The following AUTS2 variants were observed in gnomAD, a reference collection of about 807,000 sequenced individuals.
The protein encoded by AUTS2 is activator of transcription and developmental regulator AUTS2.
AUTS2 carries 17 observed loss-of-function variants against 112.4 expected under a neutral mutation model. The observed-to-expected ratio is 0.15, with a 90% CI of 0.10 to 0.23. The LOEUF is 0.23. Ranked by LOEUF, AUTS2 falls within the 10% of genes least tolerant of loss-of-function variation. The pLI is 1.00. For missense variants in AUTS2, 1,510 were observed against 1,701.6 expected (o/e 0.89, Z 1.98); for synonymous variants, 751 against 702.7 (o/e 1.07, Z -1.09).
intron 4 of AUTS2, among the ~76,000 whole-genome samples, chr7:70,330,830 A>G (rs182556115): frequency 5.8e-4 from 88 of 152,316 alleles, no homozygotes; most frequent in Non-Finnish European, 1.0e-3. Context: ...TTTTCAGCAT[A>G]TAAGTCTTTC....
intron 5 of AUTS2, among the ~76,000 whole-genome samples, chr7:70,591,073 T>C (rs1802918115): frequency 1.3e-5 from 2 of 152,124 alleles, no homozygotes; most frequent in Admixed American, 6.5e-5. Flanking sequence ...GACAGAAAAG[T>C]TGGTTCCAGT....
At chr7:69,639,887 C>T (rs1794725342) in intron 1 of AUTS2, among the ~76,000 whole-genome samples, 1 of 152,220 alleles carries the variant, frequency 6.6e-6, no homozygotes, top group African/African-American at 2.4e-5. Flanking sequence ...CGGATGGTTA[C>T]ATCCCTTGGC....
intron 4 of AUTS2, among the ~76,000 whole-genome samples, chr7:70,369,600 AGAG>A (rs1178983592): frequency 6.6e-6 from 1 of 152,138 alleles, no homozygotes; most frequent in African/African-American, 2.4e-5. Context: ...GCCAGAAAGA[AGAG>A]GAGATGATTA....
chr7:70,104,311 A>G (rs2129570099), intron 2 of AUTS2, among the ~76,000 whole-genome samples: 1 of 151,936 alleles, frequency 6.6e-6, no homozygotes, highest in Middle Eastern at 3.4e-3. Flanking sequence ...TAAATTGTAA[A>G]TGTGTGTACA....
chr7:70,526,305 G>C (rs756915312), intron 5 of AUTS2, among the ~76,000 whole-genome samples: 1 of 152,142 alleles, frequency 6.6e-6, no homozygotes, highest in African/African-American at 2.4e-5. Flanking sequence ...TGCTGACATC[G>C]TTTATTCTTC....
intron 5 of AUTS2, among the ~76,000 whole-genome samples, chr7:70,630,216 C>T (rs1805185485): frequency 6.6e-6 from 1 of 152,150 alleles, no homozygotes; most frequent in Non-Finnish European, 1.5e-5. Flanking sequence ...CAGCTGTCCT[C>T]AGAGGAGCGG....
chr7:70,268,780 T>C lies in AUTS2; in HGVS notation c.660+134209T>C, dbSNP rs549851579. On this transcript the variant is annotated intron_variant, in intron 4 of 18. Transcript: ENST00000342771. ...TATCATTATTACTATATGGGACTAGTTGTTTTTTTAAATTGGCTACTTGAA... is the reference window on the plus strand; with the variant it reads ...TATCATTATTACTATATGGGACTAGCTGTTTTTTTAAATTGGCTACTTGAA... Among the ~76,000 whole-genome samples, 4 of 152,342 alleles carry C rather than the reference T, an allele frequency of 2.6e-5. No homozygotes were observed. The East Asian group carries it at 7.7e-4, about 29-fold the overall frequency.
chr7:69,981,229 G>A (rs974720954), intron 2 of AUTS2, among the ~76,000 whole-genome samples: 1 of 152,162 alleles, frequency 6.6e-6, no homozygotes, highest in Non-Finnish European at 1.5e-5. Context: ...ATAGAGATGA[G>A]TATTCATTGG....
At chr7:69,802,539 A>G (rs1249200561) in intron 1 of AUTS2, among the ~76,000 whole-genome samples, 1 of 152,170 alleles carries the variant, frequency 6.6e-6, no homozygotes, top group Non-Finnish European at 1.5e-5. Context: ...TTCATTAGGT[A>G]ATGAAATGTT....
At chr7:70,047,831 G>A (rs1801574686) in intron 2 of AUTS2, among the ~76,000 whole-genome samples, 1 of 152,186 alleles carries the variant, frequency 6.6e-6, no homozygotes, top group African/African-American at 2.4e-5. Context: ...AGGAAAAAAT[G>A]TAAGATGATG....
chr7:69,767,559 T>G (rs1174016032), intron 1 of AUTS2, among the ~76,000 whole-genome samples: 1 of 152,176 alleles, frequency 6.6e-6, no homozygotes, highest in Non-Finnish European at 1.5e-5. Context: ...AACACTGATA[T>G]CTCAGTCATA....
At chr7:69,796,088 G>A (rs899409622) in intron 1 of AUTS2, among the ~76,000 whole-genome samples, 2 of 152,210 alleles carry the variant, frequency 1.3e-5, no homozygotes, top group Admixed American at 6.5e-5. Context: ...ATAGCCTCTA[G>A]CCTCTGGATG....
intron 4 of AUTS2, among the ~76,000 whole-genome samples, chr7:70,287,815 A>G (rs1178012210): frequency 6.6e-6 from 1 of 151,826 alleles, no homozygotes; most frequent in Non-Finnish European, 1.5e-5. Flanking sequence ...GTCTTCTCAA[A>G]AAAAAAAAAA....
At chr7:69,919,914 A>T (rs1795741440) in intron 2 of AUTS2, among the ~76,000 whole-genome samples, 3 of 152,222 alleles carry the variant, frequency 2.0e-5, no homozygotes, top group Non-Finnish European at 4.4e-5. Context: ...TCACTTTGGT[A>T]AAATTATGCT....
intron 6 of AUTS2, among the ~76,000 whole-genome samples, chr7:70,709,603 C>T (rs886800507): frequency 1.3e-5 from 2 of 152,124 alleles, no homozygotes; most frequent in Non-Finnish European, 2.9e-5. Context: ...CCCAGGTGCT[C>T]GGGAGACTGA....
At chr7:69,757,430 AGTG>A (rs1269516272) in intron 1 of AUTS2, among the ~76,000 whole-genome samples, 12 of 152,188 alleles carry the variant, frequency 7.9e-5, no homozygotes, top group Admixed American at 7.2e-4. Context: ...ATCCCAATAT[AGTG>A]TTTAACCTGA....
At chr7:70,247,068 A>G (rs929271932) in intron 4 of AUTS2, among the ~76,000 whole-genome samples, 1 of 152,122 alleles carries the variant, frequency 6.6e-6, no homozygotes, top group Non-Finnish European at 1.5e-5. Flanking sequence ...TTGTTCACCA[A>G]TGTTCATAGC....
intron 6 of AUTS2, among the ~76,000 whole-genome samples, chr7:70,741,568 G>A (rs899922280): frequency 1.3e-5 from 2 of 151,940 alleles, no homozygotes; most frequent in African/African-American, 4.8e-5. Context: ...GCACATGCCT[G>A]TAATCCCAGC....
intron 5 of AUTS2, among the ~76,000 whole-genome samples, chr7:70,690,683 C>T (rs1366018993): frequency 2.6e-5 from 4 of 152,102 alleles, no homozygotes; most frequent in Non-Finnish European, 5.9e-5. Flanking sequence ...CAAGTATAGG[C>T]CAGACAGAGT....
Sources: allele counts gnomAD v4.1 joint callset (sites outside exome capture counted in the v4.1 genomes callset), GRCh38; gene constraint gnomAD v4.1.1; transcripts MANE v1.5; gene names NCBI Gene and HGNC (gene_info 2026-07-23, HGNC 2026-07-21).